MTUS2: variants seen among roughly 807,000 people sequenced by gnomAD.
The protein encoded by MTUS2 is microtubule associated scaffold protein 2.
In MTUS2, 40 loss-of-function variants were observed where a neutral mutation model predicts 114.1. That is an observed-to-expected ratio of 0.35 (90% confidence interval 0.27 to 0.46). The LOEUF (loss-of-function observed/expected upper bound fraction) is 0.46, where lower values mean the gene tolerates loss of function less well. MTUS2 is among the 20% of genes least tolerant of loss of function. The pLI is 1.00. For missense variants in MTUS2, 1,679 were observed against 1,705.4 expected (o/e 0.98, Z 0.27); for synonymous variants, 688 against 672.0 (o/e 1.02, Z -0.37).
chr13:29,038,986 C>T (rs1416208642), intron 4 of MTUS2, among the ~76,000 whole-genome samples: 4 of 152,224 alleles, frequency 2.6e-5, no homozygotes, highest in Non-Finnish European at 5.9e-5. Flanking sequence ...AAGTCTGGCC[C>T]GGTGATGCTC....
At chr13:29,064,990 G>T (rs1189885475) in intron 4 of MTUS2, among the ~76,000 whole-genome samples, 1 of 152,176 alleles carries the variant, frequency 6.6e-6, no homozygotes, top group African/African-American at 2.4e-5. Flanking sequence ...GTATTCCACG[G>T]TATGTATGTT....
chr13:28,840,381 G>C (rs1015698337), intron 2 of MTUS2, among the ~76,000 whole-genome samples: 2 of 152,190 alleles, frequency 1.3e-5, no homozygotes, highest in African/African-American at 4.8e-5. Flanking sequence ...ACATTTGAGG[G>C]AAGCTTTTCT....
At chr13:29,452,570 ATATATGTGTGTGTGTG>A (rs1259171938) in intron 9 of MTUS2, among the ~76,000 whole-genome samples, 1,440 of 131,228 alleles carry the variant, frequency 0.011, 23 homozygotes, top group African/African-American at 0.04. Flanking sequence ...ATATATATAT[ATATATGTGTGTGTGTG>A]TGTGTGTGTG....
At chr13:29,186,032 A>G (rs947801081) in intron 5 of MTUS2, among the ~76,000 whole-genome samples, 2 of 152,110 alleles carry the variant, frequency 1.3e-5, no homozygotes, top group Non-Finnish European at 2.9e-5. Context: ...GAAACATAAA[A>G]AGACCTCATC....
intron 2 of MTUS2, among the ~76,000 whole-genome samples, chr13:28,900,259 TA>T (rs1479910714): frequency 1.3e-5 from 2 of 152,210 alleles, no homozygotes; most frequent in Non-Finnish European, 2.9e-5. Flanking sequence ...ACAATCCACT[TA>T]CCTTGTTCAG....
At chr13:29,140,717 C>T (rs945128915) in intron 5 of MTUS2, among the ~76,000 whole-genome samples, 21 of 152,164 alleles carry the variant, frequency 1.4e-4, no homozygotes, top group Non-Finnish European at 2.6e-4. Flanking sequence ...TAGAAAATCA[C>T]CTCTTCCTCT....
intron 5 of MTUS2, among the ~76,000 whole-genome samples, chr13:29,261,095 A>C (rs896552644): frequency 6.6e-6 from 1 of 152,208 alleles, no homozygotes; most frequent in East Asian, 1.9e-4. Context: ...ACCCTGAAAG[A>C]AGAGAGGGAG....
intron 8 of MTUS2, among the ~76,000 whole-genome samples, chr13:29,396,522 A>G (rs1459418288): frequency 6.6e-6 from 1 of 152,228 alleles, no homozygotes; most frequent in African/African-American, 2.4e-5. Flanking sequence ...TGGTTAATGA[A>G]ATTAAATTCA....
At chr13:29,097,620 A>G (rs963863170) in intron 4 of MTUS2, among the ~76,000 whole-genome samples, 6 of 152,236 alleles carry the variant, frequency 3.9e-5, no homozygotes, top group African/African-American at 1.4e-4. Flanking sequence ...GTATAAAAAC[A>G]GAAATGTATT....
intron 8 of MTUS2, among the ~76,000 whole-genome samples, chr13:29,390,279 A>G (rs955484341): frequency 1.3e-5 from 2 of 151,926 alleles, no homozygotes; most frequent in African/African-American, 4.8e-5. Flanking sequence ...AGTGTATAAG[A>G]GGGTCAAGGG....
chr13:29,245,694 A>AT (rs34670074), intron 5 of MTUS2, among the ~76,000 whole-genome samples: 25,865 of 125,502 alleles, frequency 0.21, 3,644 homozygotes, highest in East Asian at 0.51. Context: ...ATCTATTTTA[A>AT]TTTTTTTTTT....
intron 2 of MTUS2, among the ~76,000 whole-genome samples, chr13:28,990,627 T>C (rs1923517): frequency 5.4e-4 from 78 of 144,374 alleles, no homozygotes; most frequent in South Asian, 1.6e-3. Context: ...GGATTGTAAA[T>C]GCACCAATCA....
At chr13:29,410,374 G>A (rs950745232) in intron 8 of MTUS2, among the ~76,000 whole-genome samples, 40 of 152,228 alleles carry the variant, frequency 2.6e-4, no homozygotes, top group African/African-American at 8.9e-4. Flanking sequence ...TGATCCGCCC[G>A]CCTCGGCCTC....
At chr13:29,001,391 T>C (rs1301581189) in intron 2 of MTUS2, among the ~76,000 whole-genome samples, 4 of 152,134 alleles carry the variant, frequency 2.6e-5, no homozygotes, top group Non-Finnish European at 5.9e-5. Flanking sequence ...GCTGGATCTA[T>C]TTTTAAAAAG....
chr13:29,238,020 A>G (rs1334539344), intron 5 of MTUS2, among the ~76,000 whole-genome samples: 2 of 152,208 alleles, frequency 1.3e-5, no homozygotes, highest in East Asian at 3.8e-4. Flanking sequence ...AGGTTCCTCA[A>G]AAAATTAGAA....
At chr13:29,318,845 C>T (rs1465328344) in intron 6 of MTUS2, among the ~76,000 whole-genome samples, 1 of 152,180 alleles carries the variant, frequency 6.6e-6, no homozygotes, top group Non-Finnish European at 1.5e-5. Context: ...TTTTGAGATG[C>T]TTCTTGCTAC....
intron 6 of MTUS2, among the ~76,000 whole-genome samples, chr13:29,286,385 G>C (rs889693705): frequency 3.3e-5 from 5 of 152,134 alleles, no homozygotes; most frequent in Non-Finnish European, 5.9e-5. Context: ...AACAACACTG[G>C]CCACACGTAG....
At chr13:29,178,894 A>G (rs1419424129) in intron 5 of MTUS2, among the ~76,000 whole-genome samples, 3 of 152,186 alleles carry the variant, frequency 2.0e-5, no homozygotes, top group African/African-American at 7.2e-5. Context: ...ACGTAAATTA[A>G]AGTGGAGCAC....
intron 5 of MTUS2, among the ~76,000 whole-genome samples, chr13:29,137,556 C>T (rs571505487): frequency 2.6e-5 from 4 of 152,008 alleles, no homozygotes; most frequent in African/African-American, 9.6e-5. Flanking sequence ...CTTCTTTCTT[C>T]TTTCTTCTTT....
Sources: allele counts gnomAD v4.1 joint callset (sites outside exome capture counted in the v4.1 genomes callset), GRCh38; gene constraint gnomAD v4.1.1; transcripts MANE v1.5; gene names NCBI Gene and HGNC (gene_info 2026-07-23, HGNC 2026-07-21).